The following SPG7 variants were observed in gnomAD, a reference collection of about 807,000 sequenced individuals.
SPG7 encodes the protein mitochondrial inner membrane m-AAA protease component paraplegin.
In SPG7, 103 loss-of-function variants were observed where a neutral mutation model predicts 81.9. That is an observed-to-expected ratio of 1.26 (90% CI 1.07 to 1.48). The LOEUF (loss-of-function observed/expected upper bound fraction) is 1.48. SPG7 is among the 40% of genes most tolerant of loss of function. The probability of loss-of-function intolerance (pLI) is 0.00; values close to 1 mark genes in which losing one functional copy is unlikely to be tolerated. For missense variants in SPG7, 1,241 were observed against 1,087.3 expected, an observed-to-expected ratio of 1.14 and a Z score of -1.99; for synonymous variants, 534 against 444.2, an observed-to-expected ratio of 1.20 and a Z score of -2.54.
At chr16:89,553,427 C>T (rs1363617292) in intron 14 of SPG7, 3 of 528,946 alleles carry the variant, frequency 5.7e-6, no homozygotes, top group South Asian at 2.1e-5. Context: ...CTTCATTGTT[C>T]TGAAGCCATT....
rs879253798 is a variant in SPG7 at position 89,524,098 on chromosome 16, GCT to G, written c.473_474del (p.Leu158GlnfsTer30). ...VIAVVMSLLN[A>X]LSTSGGSISW... Reference sequence around the variant, plus strand: ...CGCGGTTGTCATGAGCCTCCTGAATGCTCTCAGCACCAGCGGAGGCAGCATTT... The same window carrying G: ...CGCGGTTGTCATGAGCCTCCTGAATGCTCAGCACCAGCGGAGGCAGCATTT... On this transcript the variant is annotated frameshift_variant, in exon 4 of 17. Transcript: ENST00000645818. LOFTEE classifies it high-confidence loss of function. 4.3e-6 allele frequency: 7 copies of G among 1,614,052 alleles called. No homozygotes were observed. Among genetic ancestry groups the G allele is most frequent in the Non-Finnish European group, 5.9e-6 (7 of 1,180,046 alleles).
chr16:89,537,474 C>T (rs1489595851), intron 9 of SPG7: 18 of 1,007,274 alleles, frequency 1.8e-5, no homozygotes, highest in African/African-American at 1.7e-5. Flanking sequence ...GGAAGCAAGA[C>T]GACGGCCCCT....
intron 2 of SPG7, among the ~76,000 whole-genome samples, chr16:89,512,652 T>A (rs565921104): frequency 6.6e-6 from 1 of 152,354 alleles, no homozygotes; most frequent in South Asian, 2.1e-4. Context: ...TTAAAGGGAT[T>A]CGTGATATTT....
In SPG7 at chr16:89,532,756, T is replaced by C; in HGVS notation, c.1324+120T>C. The C allele has an allele frequency of 2.4e-6, 3 of 1,243,202 alleles. No homozygotes were observed. The Admixed American group carries it at 5.9e-5, about 24-fold the overall frequency. The allele number at this position is 1,243,202 out of a possible 1,614,324, so 77.0% of individuals were successfully genotyped here. On this transcript the variant is annotated intron_variant, in intron 9 of 16. Coordinates refer to ENST00000645818, the MANE Select transcript of SPG7 (RefSeq NM_003119.4). ...CTGCACTCCGGCCTGGGTGACAGAGTGAGACTCTGTCTCAAGAAAAAAAAA... is the reference window on the plus strand; with the variant it reads ...CTGCACTCCGGCCTGGGTGACAGAGCGAGACTCTGTCTCAAGAAAAAAAAA...
chr16:89,515,956 A>G (rs2058090906), intron 3 of SPG7, among the ~76,000 whole-genome samples: 2 of 151,774 alleles, frequency 1.3e-5, no homozygotes, highest in Admixed American at 1.3e-4. Flanking sequence ...CGATCTGCCC[A>G]TCTTGGCCTT....
chr16:89,526,789 CCGAAG>C (rs2058267881), intron 5 of SPG7: 9 of 361,220 alleles, frequency 2.5e-5, no homozygotes, highest in East Asian at 7.1e-5. Flanking sequence ...ACGTAAGATG[CCGAAG>C]TCTCAGCCCC....
At chr16:89,556,806 C>A in intron 16 of SPG7, 81 bp from the exon 17 acceptor site, 1 of 1,129,872 alleles carries the variant, frequency 8.9e-7, no homozygotes, top group South Asian at 1.2e-5. Flanking sequence ...CAGGCCCTCA[C>A]GCCTCTTGCC....
Position 89,530,753 on chromosome 16 carries a change from T to C in SPG7, c.932T>C (p.Val311Ala). ...KMGKGVSFKD[V>A]AGMHEAKLEV... ...GGGAAAGGAGTCAGCTTCAAAGACG[T>C]GGCAGGAATGCACGAAGCCAAACTG... Residue 311 changes from valine to alanine, a missense_variant, in exon 7 of 17, where the codon GTG becomes GCG. Physicochemically the swap from Val to Ala is moderately conservative, Grantham distance 64. Transcript: ENST00000645818. 1.9e-6 allele frequency: 3 copies of C among 1,614,162 alleles called. No individual in the cohort carries two copies. Among genetic ancestry groups the C allele is most frequent in the Non-Finnish European group, 2.5e-6 (3 of 1,180,024 alleles).
Position 89,557,221 on chromosome 16 carries a change from C to T in SPG7, c.*128C>T. ...CTCAGTAGTCCCTGCACAGTGACTT[C>T]TGAGATCTGTTGATTGATGACCCTT... On this transcript the variant is annotated 3_prime_UTR_variant, in exon 17 of 17. Transcript: ENST00000645818. 1.5e-6 allele frequency: 1 copy of T among 654,542 alleles called. No homozygotes were observed. Among genetic ancestry groups the T allele is most frequent in the Admixed American group, 2.5e-5 (1 of 39,438 alleles). The allele number at this position is 654,542 out of a possible 1,614,324, so 40.5% of individuals were successfully genotyped here.
Position 89,547,983 on chromosome 16 carries a change from G to C in SPG7, c.1553-20G>C. 6.3e-7 allele frequency: 1 copy of C among 1,599,124 alleles called. No individual in the cohort carries two copies. Among genetic ancestry groups the C allele is most frequent in the Non-Finnish European group, 8.6e-7 (1 of 1,167,654 alleles). ...TAGCAGAAACCCACCCACCCACACC[G>C]TGGCTGTTTGTGTTGACAGGGGCTG... is the stretch of plus-strand genomic sequence containing the variant. On this transcript the variant is annotated intron_variant, in intron 11 of 16. Coordinates refer to ENST00000645818, the MANE Select transcript of SPG7 (RefSeq NM_003119.4).
chr16:89,514,798 C>A (rs1162116461), intron 3 of SPG7, among the ~76,000 whole-genome samples: 1 of 151,922 alleles, frequency 6.6e-6, no homozygotes, highest in Non-Finnish European at 1.5e-5. Flanking sequence ...GCGTCAGGCC[C>A]TCTTTTTGTA....
At chr16:89,525,644 C>T (rs567649976) in intron 4 of SPG7, among the ~76,000 whole-genome samples, 3 of 152,152 alleles carry the variant, frequency 2.0e-5, no homozygotes, top group Non-Finnish European at 2.9e-5. Flanking sequence ...GCTAAACATG[C>T]GGAGTTTACT....
At chr16:89,532,181 A>G in intron 8 of SPG7, 115 bp downstream of exon 8, 1 of 1,193,962 alleles carries the variant, frequency 8.4e-7, no homozygotes, top group Admixed American at 1.9e-5. Context: ...GGGAGTAGAG[A>G]AGGAAAGCGA....
At chr16:89,549,781 G>A in intron 12 of SPG7, 1 of 164,664 alleles carries the variant, frequency 6.1e-6, no homozygotes, top group South Asian at 1.6e-4. Context: ...TCTGAGGGGA[G>A]AGGGAAAGTA....
At chr16:89,528,460 C>A (rs191992078) in intron 5 of SPG7, among the ~76,000 whole-genome samples, 13 of 148,514 alleles carry the variant, frequency 8.8e-5, no homozygotes, top group Non-Finnish European at 1.5e-5. Context: ...CTTCGTAGGC[C>A]GATGATGTAC....
intron 10 of SPG7, chr16:89,545,842 TTTC>T (rs2058557169): frequency 4.8e-6 from 2 of 413,022 alleles, no homozygotes; most frequent in South Asian, 1.7e-5. Context: ...TTTTTTCTTT[TTTC>T]TTTTTAATTT....
intron 10 of SPG7, chr16:89,545,355 G>A (rs529074979): frequency 1.8e-4 from 39 of 211,952 alleles, no homozygotes; most frequent in South Asian, 3.7e-4. Flanking sequence ...CTCATGGAGC[G>A]GAGGGTTTGG....
intron 13 of SPG7, 98 bp downstream of exon 13, chr16:89,550,707 T>C (rs2058626265): frequency 1.3e-6 from 1 of 784,736 alleles, no homozygotes; most frequent in Admixed American, 1.9e-5. Flanking sequence ...CGCCTGTGTC[T>C]GTAGCTGACT....
At chr16:89,543,051 C>G (rs1279919973) in intron 9 of SPG7, 1 of 147,582 alleles carries the variant, frequency 6.8e-6, no homozygotes, top group African/African-American at 2.5e-5. Context: ...AGGTTCACGC[C>G]ATTCTCCTGC....
Sources: gnomAD v4.1 joint callset for allele counts (sites outside exome capture counted in the v4.1 genomes callset) on GRCh38, gnomAD v4.1.1 for gene constraint, MANE v1.5 for transcripts, NCBI Gene and HGNC (gene_info 2026-07-23, HGNC 2026-07-21) for gene names.